MAP3K21: variants seen among roughly 807,000 people sequenced by gnomAD.
The protein encoded by MAP3K21 is mitogen-activated protein kinase kinase kinase MLK4.
In MAP3K21, 63 loss-of-function variants were observed where a neutral mutation model predicts 86.1. The observed-to-expected ratio is 0.73, with a 90% CI of 0.60 to 0.90. The LOEUF is 0.90. MAP3K21 is among the 40% of genes least tolerant of loss of function. MAP3K21 has a pLI of 0.00. For synonymous variants in MAP3K21, 558 were observed against 564.8 expected (o/e 0.99, Z 0.17); for missense variants, 1,220 against 1,367.7 (o/e 0.89, Z 1.70).
At chr1:233,349,671 G>C (rs941020735) in intron 2 of MAP3K21, among the ~76,000 whole-genome samples, 5 of 152,206 alleles carry the variant, frequency 3.3e-5, no homozygotes, top group Admixed American at 3.3e-4. Context: ...GGGCATGGTG[G>C]CTCATGCCTG....
At chr1:233,349,595 T>C (rs1663210324) in intron 2 of MAP3K21, among the ~76,000 whole-genome samples, 3 of 152,094 alleles carry the variant, frequency 2.0e-5, no homozygotes, top group Admixed American at 2.0e-4. Context: ...AGAAGTCACC[T>C]CTCAAAATTG....
intron 1 of MAP3K21, among the ~76,000 whole-genome samples, chr1:233,334,164 C>CTTTTT (rs60541029): frequency 7.3e-6 from 1 of 136,862 alleles, no homozygotes; most frequent in African/African-American, 2.8e-5. Context: ...CGTGCCTGGA[C>CTTTTT]TTTTTTTTTT....
chr1:233,368,133 T>G lies in MAP3K21; in HGVS notation c.1553-3905T>G, dbSNP rs370219956. ...TTGGTTCTTGGCTTTCTTCTGTTATTGACAGGAGGGCTCCTCTTGCTGTAA... is the reference window on the plus strand; with the variant it reads ...TTGGTTCTTGGCTTTCTTCTGTTATGGACAGGAGGGCTCCTCTTGCTGTAA... On this transcript the variant is annotated intron_variant, in intron 5 of 9. Transcript: ENST00000366624. Among the ~76,000 whole-genome samples the G allele has an allele frequency of 2.6e-4, 39 of 152,342 alleles. No individual in the cohort carries two copies. In the South Asian group the frequency reaches 5.0e-3, roughly 19 times the overall value.
intron 2 of MAP3K21, among the ~76,000 whole-genome samples, chr1:233,353,586 T>C (rs1663291373): frequency 6.6e-6 from 1 of 152,240 alleles, no homozygotes; most frequent in Admixed American, 6.5e-5. Context: ...CTAGAATGAA[T>C]GCATACTGGA....
Position 233,376,010 on chromosome 1 carries a change from T to C in MAP3K21, c.1770T>C (p.Gly590=). Residue 590 remains glycine, a synonymous_variant, in exon 7 of 10, where the codon GGT becomes GGC. Transcript: ENST00000366624. ...TAAAAAGGAATTTTAAGAAAAAAGG[T>C]TGTACCTGGGGACCAAATTCCATTC... ...EDVKRNFKKK[G]CTWGPNSIQM... is the part of the protein sequence containing the mutation. 6.2e-7 allele frequency: 1 copy of C among 1,609,182 alleles called. No homozygotes were observed. The highest frequency in any genetic ancestry group is 8.5e-7 in the Non-Finnish European group (1 of 1,178,710).
chr1:233,339,195 T>TGTCTTCTTC (rs1662969320), intron 1 of MAP3K21, among the ~76,000 whole-genome samples: 4 of 115,374 alleles, frequency 3.5e-5, no homozygotes, highest in African/African-American at 6.8e-5. Flanking sequence ...AAAACAATCA[T>TGTCTTCTTC]TTCTTCTTCT....
intron 1 of MAP3K21, among the ~76,000 whole-genome samples, chr1:233,336,944 T>A (rs1444112314): frequency 6.6e-6 from 1 of 152,254 alleles, no homozygotes; most frequent in Non-Finnish European, 1.5e-5. Context: ...GTATGCCTGA[T>A]GTATTCTGGC....
Position 233,328,613 on chromosome 1 carries a change from C to T in MAP3K21, c.585C>T (p.His195=). The T allele has an allele frequency of 1.3e-6, 2 of 1,499,908 alleles. No homozygotes were observed. Among genetic ancestry groups the T allele is most frequent in the South Asian group, 1.2e-5 (1 of 80,120 alleles). 92.9% of individuals were successfully genotyped at this position (1,499,908 alleles called of 1,614,324 possible). Residue 195 remains histidine, a synonymous_variant, in exon 1 of 10, where the codon CAC becomes CAT. Coordinates refer to ENST00000366624, the MANE Select transcript of MAP3K21 (RefSeq NM_032435.3). The surrounding 1 kb of genome is among the most constrained non-coding windows in gnomAD (Gnocchi z 8.7). Reference sequence around the variant, plus strand: ...GCGGCGTGTGCCTGCAGCAGCCGCACCTCTGCCTGGTGCTGGAGTTCGCCC... The same window carrying T: ...GCGGCGTGTGCCTGCAGCAGCCGCATCTCTGCCTGGTGCTGGAGTTCGCCC... The part of the protein sequence containing the change: ...ELRGVCLQQP[H]LCLVLEFARG...
At chr1:233,376,559 G>A (rs899904586) in intron 8 of MAP3K21, 32 bp downstream of exon 8, 13 of 1,498,846 alleles carry the variant, frequency 8.7e-6, no homozygotes, top group Admixed American at 5.2e-5. Flanking sequence ...GGATTTGCTT[G>A]AGCAGTCCTT....
chr1:233,368,656 T>TA (rs35334557), intron 5 of MAP3K21, among the ~76,000 whole-genome samples: 35,961 of 146,946 alleles, frequency 0.24, 5,409 homozygotes, highest in East Asian at 0.42. Flanking sequence ...ATCTTGTCTT[T>TA]AAAAAAAAAA....
intron 1 of MAP3K21, among the ~76,000 whole-genome samples, chr1:233,334,082 G>T (rs1242051589): frequency 6.6e-6 from 1 of 151,924 alleles, no homozygotes; most frequent in South Asian, 2.1e-4. Flanking sequence ...AGCCAGGATG[G>T]TCTTGATCTC....
chr1:233,329,754 T>G (rs955948104), intron 1 of MAP3K21, among the ~76,000 whole-genome samples: 1 of 152,208 alleles, frequency 6.6e-6, no homozygotes, highest in Non-Finnish European at 1.5e-5. Context: ...GTAATGCACT[T>G]TTGGGTTAAT....
chr1:233,354,036 A>G (rs900088249), intron 3 of MAP3K21, 81 bp downstream of exon 3: 2 of 1,326,602 alleles, frequency 1.5e-6, no homozygotes, highest in African/African-American at 3.0e-5. Flanking sequence ...CAGAAAAAGC[A>G]TTTTCTGTGA....
At chr1:233,339,053 T>C (rs149640284) in intron 1 of MAP3K21, among the ~76,000 whole-genome samples, 3 of 152,144 alleles carry the variant, frequency 2.0e-5, no homozygotes, top group Admixed American at 6.5e-5. Context: ...GACCCAAGAA[T>C]AGCTAGAAGT....
At chr1:233,371,902 A>C (rs1663691927) in intron 5 of MAP3K21, 136 bp from the exon 6 acceptor site, 2 of 838,620 alleles carry the variant, frequency 2.4e-6, no homozygotes, top group Admixed American at 5.4e-5. Context: ...AGAAACCAAA[A>C]TAAGAAATCG....
intron 4 of MAP3K21, among the ~76,000 whole-genome samples, chr1:233,356,543 A>C (rs1663360082): frequency 6.6e-6 from 1 of 152,142 alleles, no homozygotes; most frequent in Non-Finnish European, 1.5e-5. Flanking sequence ...CCTGTTATGA[A>C]TCTTACGCTG....
chr1:233,340,051 A>G (rs1188591614), intron 1 of MAP3K21, among the ~76,000 whole-genome samples: 1 of 152,234 alleles, frequency 6.6e-6, no homozygotes, highest in Non-Finnish European at 1.5e-5. Flanking sequence ...GCTGCTTACA[A>G]TTTAATAAGA....
chr1:233,328,697 G>A lies in MAP3K21; in HGVS notation c.669G>A (p.Ala223=), dbSNP rs1662755334. 7.3e-7 allele frequency: 1 copy of A among 1,366,826 alleles called. No homozygotes were observed. The highest frequency in any genetic ancestry group is 9.5e-7 in the Non-Finnish European group (1 of 1,055,206). 84.7% of individuals were successfully genotyped at this position (1,366,826 alleles called of 1,614,324 possible). A position where few individuals can be genotyped will look rare whatever the true frequency, so the allele number is the denominator to read the frequency against. Residue 223 remains alanine (A), a synonymous_variant, in exon 1 of 10, where the codon GCG becomes GCA. Coordinates refer to ENST00000366624, the MANE Select transcript of MAP3K21 (RefSeq NM_032435.3). This position sits in a 1 kb window ranked among gnomAD's most constrained non-coding sequence, Gnocchi z 8.7. ...AAANAAPDPR[A]PGPRRARRIP... is the part of the protein sequence containing the mutation. ...CCAACGCCGCCCCGGACCCGCGCGC[G>A]CCCGGCCCCCGCCGCGCGCGCCGCA...
At chr1:233,371,607 A>C (rs1336445306) in intron 5 of MAP3K21, among the ~76,000 whole-genome samples, 1 of 152,098 alleles carries the variant, frequency 6.6e-6, no homozygotes, top group Non-Finnish European at 1.5e-5. Context: ...TGATCTGCCC[A>C]CCTCAGCCTC....
Sources: gnomAD v4.1 joint callset for allele counts (sites outside exome capture counted in the v4.1 genomes callset) on GRCh38, gnomAD v4.1.1 for gene constraint, Gnocchi (gnomAD v3.1) non-coding constraint, MANE v1.5 for transcripts, NCBI Gene and HGNC (gene_info 2026-07-23, HGNC 2026-07-21) for gene names.